The following TEKTL1 variants were observed in gnomAD, a reference collection of about 807,000 sequenced individuals.
TEKTL1 encodes the protein tektin-like protein 1.
At chr19:15,016,916 G>T in the TEKTL1 span, among the ~76,000 whole-genome samples, 110,257 of 152,028 alleles carry the variant, frequency 0.73, 40,120 homozygotes, top group Admixed American at 0.77. Context: ...TTAACAACAG[G>T]CAAAACTCGG....
the TEKTL1 span, chr19:15,011,261 C>G: frequency 1.4e-5 from 21 of 1,515,838 alleles, no homozygotes; most frequent in Middle Eastern, 1.7e-4. Context: ...CGCGCAGCAC[C>G]AGATTAACGG....
At chr19:15,012,576 A>G in the TEKTL1 span, among the ~76,000 whole-genome samples, 2 of 152,018 alleles carry the variant, frequency 1.3e-5, no homozygotes, top group African/African-American at 4.8e-5. Flanking sequence ...ACAAAAAAAG[A>G]TGATGGATAC....
At chr19:15,021,972 T>G in the TEKTL1 span, 1 of 1,402,042 alleles carries the variant, frequency 7.1e-7, no homozygotes, top group Middle Eastern at 1.8e-4. Flanking sequence ...ATGGTAAGGC[T>G]CCTTCCTCAA....
chr19:15,023,191 C>T, the TEKTL1 span: 2 of 1,375,338 alleles, frequency 1.5e-6, no homozygotes, highest in Middle Eastern at 2.5e-4. Flanking sequence ...GACACAGCCC[C>T]ATGGCCCTCC....
the TEKTL1 span, among the ~76,000 whole-genome samples, chr19:15,014,865 A>G: frequency 6.6e-6 from 1 of 152,108 alleles, no homozygotes; most frequent in East Asian, 1.9e-4. Context: ...CAGAGAAGGG[A>G]GAAGCCCCTG....
chr19:15,020,761 C>A, the TEKTL1 span: 3 of 987,010 alleles, frequency 3.0e-6, no homozygotes, highest in Non-Finnish European at 4.5e-6. Flanking sequence ...TGGGAAATAG[C>A]CCTAGAGTCA....
chr19:15,013,701 A>C, the TEKTL1 span: 1 of 1,613,764 alleles, frequency 6.2e-7, no homozygotes, highest in Non-Finnish European at 8.5e-7. Context: ...GTATGCTTAC[A>C]TGGGAGAAAG....
chr19:15,011,752 AT>A, the TEKTL1 span, among the ~76,000 whole-genome samples: 33 of 150,064 alleles, frequency 2.2e-4, no homozygotes, highest in African/African-American at 5.2e-4. Context: ...AAAAAAAAAA[AT>A]ATTTCCATAG....
the TEKTL1 span, chr19:15,021,519 G>T: frequency 6.2e-7 from 1 of 1,614,102 alleles, no homozygotes; most frequent in Non-Finnish European, 8.5e-7. Context: ...TGGAGCTGAA[G>T]GTGAGCGCAT....
At chr19:15,022,972 C>T in the TEKTL1 span, 2 of 1,613,544 alleles carry the variant, frequency 1.2e-6, no homozygotes, top group Non-Finnish European at 1.7e-6. Context: ...ACTGCAAGAA[C>T]ATCGGGCATG....
the TEKTL1 span, chr19:15,020,616 T>C: frequency 1.2e-6 from 2 of 1,613,852 alleles, no homozygotes; most frequent in Non-Finnish European, 1.7e-6. Context: ...GCACACAGGG[T>C]CAGAAAACGC....
chr19:15,015,078 T>A, the TEKTL1 span, among the ~76,000 whole-genome samples: 1 of 152,082 alleles, frequency 6.6e-6, no homozygotes, highest in Non-Finnish European at 1.5e-5. Flanking sequence ...CAGTCCCTAT[T>A]CAGGAGGCTG....
chr19:15,015,230 G>A, the TEKTL1 span, among the ~76,000 whole-genome samples: 5 of 152,156 alleles, frequency 3.3e-5, no homozygotes, highest in Non-Finnish European at 7.4e-5. Flanking sequence ...GATATAGATA[G>A]AAACAGAGAC....
the TEKTL1 span, among the ~76,000 whole-genome samples, chr19:15,012,851 C>G: frequency 6.6e-6 from 1 of 152,008 alleles, no homozygotes; most frequent in African/African-American, 2.4e-5. Flanking sequence ...CCTCAGTGCC[C>G]CAGTCCTAGT....
the TEKTL1 span, chr19:15,011,107 G>C: frequency 4.5e-6 from 7 of 1,561,604 alleles, no homozygotes; most frequent in Non-Finnish European, 6.0e-6. Context: ...AGGGCGTCAC[G>C]CTGTGGAAGG....
chr19:15,014,731 C>CGGGGGGG, the TEKTL1 span, among the ~76,000 whole-genome samples: 1 of 11,778 alleles, frequency 8.5e-5, no homozygotes, highest in Non-Finnish European at 1.9e-4. Context: ...AGTGGGGGGG[C>CGGGGGGG]GGGGGGCGGG....
At chr19:15,022,788 C>A in the TEKTL1 span, 1 of 1,339,720 alleles carries the variant, frequency 7.5e-7, no homozygotes, top group Non-Finnish European at 1.0e-6. Flanking sequence ...GTGTTCCTTA[C>A]ACACACACCT....
chr19:15,012,099 A>G, the TEKTL1 span, among the ~76,000 whole-genome samples: 1 of 150,774 alleles, frequency 6.6e-6, no homozygotes, highest in Admixed American at 6.6e-5. Context: ...CTACAAAAAA[A>G]AAAAAATTTT....
the TEKTL1 span, among the ~76,000 whole-genome samples, chr19:15,015,782 G>A: frequency 3.9e-5 from 6 of 152,256 alleles, no homozygotes; most frequent in Middle Eastern, 3.4e-3. Context: ...ATGGTTGTAC[G>A]AATACACTTA....
Sources: allele counts gnomAD v4.1 joint callset (sites outside exome capture counted in the v4.1 genomes callset), GRCh38; gene constraint gnomAD v4.1.1; transcripts MANE v1.5; gene names NCBI Gene and HGNC (gene_info 2026-07-23, HGNC 2026-07-21).